SPOCK3: variants seen among roughly 807,000 people sequenced by gnomAD.
SPOCK3 encodes SPARC (osteonectin), cwcv and kazal like domains proteoglycan 3.
SPOCK3 carries 30 observed loss-of-function variants against 56.6 expected under a neutral mutation model. The ratio of observed to expected loss-of-function variants is 0.53; its 90% CI spans 0.40 to 0.72. The LOEUF (loss-of-function observed/expected upper bound fraction) is 0.72, where lower values mean the gene tolerates loss of function less well. SPOCK3 is among the 30% of genes least tolerant of loss of function. The pLI, the probability that SPOCK3 is intolerant of heterozygous loss-of-function variation, is 0.00. For synonymous variants in SPOCK3, 196 were observed against 183.3 expected (o/e 1.07, Z -0.56); for missense variants, 527 against 530.0 (o/e 0.99, Z 0.06).
At chr4:167,116,662 G>GTATATATATACACACATATAC (rs763667092) in intron 2 of SPOCK3, among the ~76,000 whole-genome samples, 1 of 62,942 alleles carries the variant, frequency 1.6e-5, no homozygotes, top group African/African-American at 1.0e-4. Flanking sequence ...ACATATATAC[G>GTATATATATACACACATATAC]TATATAGTAT....
At chr4:166,903,275 T>G (rs1001476308) in intron 5 of SPOCK3, among the ~76,000 whole-genome samples, 1 of 151,772 alleles carries the variant, frequency 6.6e-6, no homozygotes, top group Non-Finnish European at 1.5e-5. Context: ...AGAGAAAGTA[T>G]ATATTGAGGC....
chr4:167,074,783 A>C (rs1037216834), intron 2 of SPOCK3, among the ~76,000 whole-genome samples: 2 of 151,850 alleles, frequency 1.3e-5, no homozygotes, highest in African/African-American at 4.8e-5. Flanking sequence ...TCTTTTTCTC[A>C]TTTGACAAAA....
intron 8 of SPOCK3, among the ~76,000 whole-genome samples, chr4:166,743,994 G>T (rs1735224856): frequency 6.6e-6 from 1 of 152,160 alleles, no homozygotes. Flanking sequence ...GCTCAAGGAG[G>T]CCTCCCTGCC....
At chr4:166,817,245 C>A (rs1387697294) in intron 6 of SPOCK3, among the ~76,000 whole-genome samples, 1 of 152,072 alleles carries the variant, frequency 6.6e-6, no homozygotes, top group African/African-American at 2.4e-5. Context: ...GCTTAGGAAA[C>A]TGTATCTTTT....
intron 7 of SPOCK3, among the ~76,000 whole-genome samples, chr4:166,788,492 T>C (rs1325376057): frequency 6.6e-6 from 1 of 151,968 alleles, no homozygotes; most frequent in East Asian, 1.9e-4. Flanking sequence ...AGAGAAGCTG[T>C]ATATACTTTG....
At chr4:167,164,902 G>A (rs1765626594) in intron 2 of SPOCK3, among the ~76,000 whole-genome samples, 1 of 152,034 alleles carries the variant, frequency 6.6e-6, no homozygotes, top group Admixed American at 6.6e-5. Flanking sequence ...ATAAACATAA[G>A]TGTGCATGTG....
At chr4:167,165,497 A>G (rs939227700) in intron 2 of SPOCK3, among the ~76,000 whole-genome samples, 1 of 152,102 alleles carries the variant, frequency 6.6e-6, no homozygotes, top group African/African-American at 2.4e-5. Context: ...GCAAATCAAA[A>G]CCACAGTGAG....
At chr4:167,220,422 A>G (rs1264249892) in intron 2 of SPOCK3, among the ~76,000 whole-genome samples, 1 of 140,366 alleles carries the variant, frequency 7.1e-6, no homozygotes, top group Admixed American at 7.7e-5. Flanking sequence ...TGTGCCATCC[A>G]GGCTGCAGTG....
intron 4 of SPOCK3, among the ~76,000 whole-genome samples, chr4:166,993,607 C>A (rs753280193): frequency 6.6e-6 from 1 of 152,128 alleles, no homozygotes; most frequent in African/African-American, 2.4e-5. Context: ...TTTTATTTAA[C>A]GTATAAGGTA....
intron 2 of SPOCK3, among the ~76,000 whole-genome samples, chr4:167,218,077 G>C (rs1025530311): frequency 6.6e-6 from 1 of 151,940 alleles, no homozygotes. Context: ...CCTAAATCAC[G>C]CAACTACCTA....
chr4:167,161,042 A>G (rs1765257968), intron 2 of SPOCK3, among the ~76,000 whole-genome samples: 1 of 152,236 alleles, frequency 6.6e-6, no homozygotes. Context: ...AAATTGACAA[A>G]TGGGATCTAA....
chr4:166,954,462 AT>A (rs1385335076), intron 4 of SPOCK3, among the ~76,000 whole-genome samples: 2 of 151,916 alleles, frequency 1.3e-5, no homozygotes, highest in Non-Finnish European at 2.9e-5. Context: ...TCTTTATCCC[AT>A]TTAAGTTTAT....
At chr4:166,875,974 G>C (rs970911564) in intron 6 of SPOCK3, among the ~76,000 whole-genome samples, 9 of 9,794 alleles carry the variant, frequency 9.2e-4, no homozygotes, top group African/African-American at 7.9e-3. Flanking sequence ...AAGTCACACA[G>C]AAGCAACAGG....
chr4:167,125,191 T>TATTA (rs71604469), intron 2 of SPOCK3, among the ~76,000 whole-genome samples: 1 of 142,492 alleles, frequency 7.0e-6, no homozygotes, highest in African/African-American at 2.6e-5. Flanking sequence ...CACAGAGATT[T>TATTA]TTTATTTATT....
chr4:166,789,666 C>T (rs1231296784), intron 7 of SPOCK3, among the ~76,000 whole-genome samples: 1 of 151,118 alleles, frequency 6.6e-6, no homozygotes, highest in South Asian at 2.1e-4. Flanking sequence ...CTTTTTAGTT[C>T]CCCCTATTTT....
chr4:166,939,653 A>G (rs1015565522), intron 4 of SPOCK3, among the ~76,000 whole-genome samples: 10 of 152,342 alleles, frequency 6.6e-5, no homozygotes, highest in African/African-American at 9.6e-5. Context: ...TGTAGCACAT[A>G]TAATACATAG....
At chr4:167,229,072 A>G (rs571052417) in intron 2 of SPOCK3, among the ~76,000 whole-genome samples, 52 of 152,322 alleles carry the variant, frequency 3.4e-4, no homozygotes, top group African/African-American at 1.2e-3. Context: ...AAATATAGGT[A>G]ATTATTACCA....
chr4:166,754,062 ATAACTT>A (rs1432874538), intron 8 of SPOCK3: 4 of 946,270 alleles, frequency 4.2e-6, no homozygotes, highest in Non-Finnish European at 5.0e-6. Flanking sequence ...ATGAGTAAAA[ATAACTT>A]TATGGTGAAT....
At chr4:167,062,964 C>T (rs1372618321) in intron 2 of SPOCK3, among the ~76,000 whole-genome samples, 2 of 151,758 alleles carry the variant, frequency 1.3e-5, no homozygotes, top group Admixed American at 6.6e-5. Flanking sequence ...TTCATTGTCC[C>T]CTAGTACAAC....
Sources: allele counts gnomAD v4.1 joint callset (sites outside exome capture counted in the v4.1 genomes callset), GRCh38; gene constraint gnomAD v4.1.1; transcripts MANE v1.5; gene names NCBI Gene and HGNC (gene_info 2026-07-23, HGNC 2026-07-21).